The following CRTAP variants were observed in gnomAD, a reference collection of about 807,000 sequenced individuals.
CRTAP encodes cartilage-associated protein.
In CRTAP, 33 loss-of-function variants were observed where a neutral mutation model predicts 42.7. That is an observed-to-expected ratio of 0.77 (90% CI 0.59 to 1.03). The LOEUF is 1.03. Among genes scored for constraint, CRTAP ranks in the 50% least tolerant of loss-of-function variants. The pLI is 0.00. For missense variants in CRTAP, 613 were observed against 533.9 expected (o/e 1.15, Z -1.46); for synonymous variants, 243 against 217.7 (o/e 1.12, Z -1.02).
chr3:33,119,777 A>T (rs116283927), intron 1 of CRTAP, among the ~76,000 whole-genome samples: 2,165 of 152,274 alleles, frequency 0.014, 23 homozygotes, highest in Middle Eastern at 0.031. Flanking sequence ...TCCACAAGAG[A>T]TAGTGTTCTG....
intron 4 of CRTAP, among the ~76,000 whole-genome samples, chr3:33,131,166 C>G (rs2030249870): frequency 6.6e-6 from 1 of 151,972 alleles, no homozygotes; most frequent in East Asian, 1.9e-4. Context: ...CCCCTTCACA[C>G]TCAGGAGTGG....
intron 3 of CRTAP, among the ~76,000 whole-genome samples, chr3:33,129,535 CTTTTTTTTTTTTTT>C (rs753545426): frequency 8.6e-6 from 1 of 115,732 alleles, no homozygotes; most frequent in African/African-American, 3.1e-5. Context: ...TTTTCTTTTT[CTTTTTTTTTTTTTT>C]TTTTTGGAGA....
chr3:33,123,595 C>T (rs1480012291), intron 2 of CRTAP, among the ~76,000 whole-genome samples: 4 of 149,530 alleles, frequency 2.7e-5, no homozygotes, highest in South Asian at 2.1e-4. Flanking sequence ...ACCAATTAAA[C>T]CTCTTTTATT....
chr3:33,142,399 A>G lies in CRTAP; in HGVS notation c.1157A>G (p.Glu386Gly), dbSNP rs1257067661. Residue 386 changes from glutamate (E) to glycine (G), a missense_variant, in exon 7 of 7, where the codon GAA becomes GGA. Transcript: ENST00000320954. Reference sequence around the variant, plus strand: ...TTGTCCTGTTGTCTCTTACAGGGAGAAGTTGTGGAATATGTGGATGACCTC... The same window carrying G: ...TTGTCCTGTTGTCTCTTACAGGGAGGAGTTGTGGAATATGTGGATGACCTC... ...KENIMDDDEG[E>G]VVEYVDDLLE... 6.2e-7 allele frequency: 1 copy of G among 1,613,890 alleles called. No homozygotes were observed. Among genetic ancestry groups the G allele is most frequent in the East Asian group, 2.2e-5 (1 of 44,874 alleles).
intron 6 of CRTAP, among the ~76,000 whole-genome samples, chr3:33,134,749 G>C (rs1185745534): frequency 1.3e-5 from 2 of 152,128 alleles, no homozygotes; most frequent in Non-Finnish European, 2.9e-5. Context: ...GACTCAACTG[G>C]TTATGGAGTG....
At position 33,114,095 on chromosome 3, in the gene CRTAP, G is replaced by T. The variant is rs1333081449; in HGVS notation, c.18G>T (p.Arg6=). 4 of 1,464,488 alleles carry T rather than the reference G, an allele frequency of 2.7e-6. No homozygotes were observed. The highest frequency in any genetic ancestry group is 3.0e-5 in the African/African-American group (2 of 67,774). The allele number at this position is 1,464,488 out of a possible 1,614,324, so 90.7% of individuals were successfully genotyped here. The change falls in exon 1 of 7, where the codon CGG becomes CGT. Residue 6 remains arginine (R), a synonymous_variant. Transcript: ENST00000320954. ...CGGGCGCGATGGAGCCGGGGCGCCGGGGGGCCGCGGCGCTGCTAGCGCTGC... is the reference window on the plus strand; with the variant it reads ...CGGGCGCGATGGAGCCGGGGCGCCGTGGGGCCGCGGCGCTGCTAGCGCTGC... MEPGR[R]GAAALLALLC...
chr3:33,139,563 G>A (rs2030517085), intron 6 of CRTAP, among the ~76,000 whole-genome samples: 2 of 148,608 alleles, frequency 1.3e-5, no homozygotes, highest in Non-Finnish European at 3.0e-5. Context: ...TGCAACCTCC[G>A]CCTCCCAGGT....
At chr3:33,129,535 CTT>C (rs753545426) in intron 3 of CRTAP, among the ~76,000 whole-genome samples, 5 of 115,706 alleles carry the variant, frequency 4.3e-5, no homozygotes, top group Non-Finnish European at 3.6e-5. Flanking sequence ...TTTTCTTTTT[CTT>C]TTTTTTTTTT....
rs750181658 is a variant in CRTAP at position 33,120,419 on chromosome 3, A to G, written c.547A>G (p.Arg183Gly). Residue 183 changes from arginine (R) to glycine (G), a missense_variant, in exon 2 of 7, where the codon AGG (arginine) becomes GGG (glycine). Coordinates refer to ENST00000320954, the MANE Select transcript of CRTAP (RefSeq NM_006371.5). Reference protein sequence around the residue: ...LKHPDDEMMKRNMAYYKSLPG... With the variant: ...LKHPDDEMMKGNMAYYKSLPG... ...GCATCCTGATGACGAAATGATGAAG[A>G]GGAACATGGCATATTATAAGAGCCT... The G allele has an allele frequency of 5.6e-6, 9 of 1,613,796 alleles. No individual in the cohort carries two copies. Among genetic ancestry groups the G allele is most frequent in the African/African-American group, 1.3e-5 (1 of 74,924 alleles).
intron 6 of CRTAP, 34 bp from the exon 7 acceptor site, chr3:33,142,361 C>T: frequency 6.4e-7 from 1 of 1,573,458 alleles, no homozygotes; most frequent in Non-Finnish European, 8.7e-7. Flanking sequence ...GTCCAATAGC[C>T]CATTTAATAA....
chr3:33,135,245 G>A (rs2030386905), intron 6 of CRTAP, among the ~76,000 whole-genome samples: 1 of 152,188 alleles, frequency 6.6e-6, no homozygotes, highest in Admixed American at 6.5e-5. Flanking sequence ...CCTGAGACAG[G>A]ATCCCAAGAT....
chr3:33,129,926 T>C lies in CRTAP; in HGVS notation c.794-13T>C, dbSNP rs772842929. The C allele has an allele frequency of 6.2e-7, 1 of 1,611,488 alleles. No homozygotes were observed. Among genetic ancestry groups the C allele is most frequent in the African/African-American group, 1.3e-5 (1 of 74,890 alleles). ...GGATCCACTGCTCTGAAAATTTATA[T>C]GTTTTGTTTCAGATCATTATGTAGA... On this transcript the variant is annotated splice_polypyrimidine_tract_variant and intron_variant, in intron 3 of 6. Coordinates refer to ENST00000320954, the MANE Select transcript of CRTAP (RefSeq NM_006371.5).
chr3:33,125,338 C>T (rs1028389380), intron 3 of CRTAP, among the ~76,000 whole-genome samples: 2 of 152,078 alleles, frequency 1.3e-5, no homozygotes, highest in Non-Finnish European at 2.9e-5. Context: ...GACTGCATCT[C>T]CCACTTGAAG....
rs1178355967 is a variant in CRTAP at position 33,114,266 on chromosome 3, C to T, written c.189C>T (p.Ser63=). The T allele has an allele frequency of 6.3e-6, 10 of 1,582,256 alleles. No individual in the cohort carries two copies. The highest frequency in any genetic ancestry group is 8.5e-6 in the Non-Finnish European group (10 of 1,171,048). The part of the protein sequence containing the change: ...DKYSGEHWAE[S]VGYLEISLRL... ...ACAGCGGCGAGCACTGGGCCGAGAG[C>T]GTGGGCTACCTGGAGATCAGCCTGC... Residue 63 remains serine (S), a synonymous_variant, in exon 1 of 7, where the codon AGC becomes AGT. Coordinates refer to ENST00000320954, the MANE Select transcript of CRTAP (RefSeq NM_006371.5).
At chr3:33,126,155 C>T (rs145123106) in intron 3 of CRTAP, among the ~76,000 whole-genome samples, 1 of 152,196 alleles carries the variant, frequency 6.6e-6, no homozygotes, top group African/African-American at 2.4e-5. Flanking sequence ...TGGCAACAAC[C>T]TTTCTACTTT....
intron 6 of CRTAP, 26 bp downstream of exon 6, chr3:33,134,291 C>T: frequency 1.4e-6 from 2 of 1,426,374 alleles, no homozygotes; most frequent in South Asian, 1.1e-5. Flanking sequence ...TAGCACATGT[C>T]TGGTGGCTAC....
At chr3:33,135,122 TAC>T (rs1306309521) in intron 6 of CRTAP, among the ~76,000 whole-genome samples, 3 of 152,216 alleles carry the variant, frequency 2.0e-5, no homozygotes, top group African/African-American at 7.2e-5. Flanking sequence ...GGAATAATAA[TAC>T]TGCCCTCCCA....
chr3:33,142,328 T>C lies in CRTAP; in HGVS notation c.1153-67T>C, dbSNP rs540267024. ...GGTGATGGCCTCTCGGGATACTGTT[T>C]CTGCTCATCAGTACTTTTAAAAGTC... On this transcript the variant is annotated intron_variant, in intron 6 of 6. Coordinates refer to ENST00000320954, the MANE Select transcript of CRTAP (RefSeq NM_006371.5). The C allele has an allele frequency of 9.3e-6, 13 of 1,404,866 alleles. No homozygotes were observed. In the South Asian group the frequency reaches 1.4e-4, roughly 15 times the overall value. 87.0% of individuals were successfully genotyped at this position (1,404,866 alleles called of 1,614,324 possible). A position where few individuals can be genotyped will look rare whatever the true frequency, so the allele number is the denominator to read the frequency against.
At chr3:33,122,293 G>A (rs900579206) in intron 2 of CRTAP, among the ~76,000 whole-genome samples, 1 of 151,758 alleles carries the variant, frequency 6.6e-6, no homozygotes, top group Admixed American at 6.6e-5. Context: ...CTGCTGCCCC[G>A]CTGCTTCTGC....
Sources: allele counts gnomAD v4.1 joint callset (sites outside exome capture counted in the v4.1 genomes callset), GRCh38; gene constraint gnomAD v4.1.1; transcripts MANE v1.5; gene names NCBI Gene and HGNC (gene_info 2026-07-23, HGNC 2026-07-21).